TTC7B: variants seen among roughly 807,000 people sequenced by gnomAD.
The protein encoded by TTC7B is tetratricopeptide repeat domain 7B.
In TTC7B, 28 loss-of-function variants were observed where a neutral mutation model predicts 106.8. The ratio of observed to expected loss-of-function variants is 0.26; its 90% CI spans 0.19 to 0.36. The LOEUF (loss-of-function observed/expected upper bound fraction) is 0.36, where lower values mean the gene tolerates loss of function less well. Ranked by LOEUF, TTC7B falls within the 10% of genes least tolerant of loss-of-function variation. TTC7B has a pLI of 1.00. For synonymous variants in TTC7B, 405 were observed against 430.6 expected, an observed-to-expected ratio of 0.94 and a Z score of 0.74; for missense variants, 862 against 1,076.4, an observed-to-expected ratio of 0.80 and a Z score of 2.79.
intron 15 of TTC7B, among the ~76,000 whole-genome samples, chr14:90,632,275 C>T (rs1317081236): frequency 6.6e-6 from 1 of 152,198 alleles, no homozygotes; most frequent in Non-Finnish European, 1.5e-5. Context: ...TCACTCAGCT[C>T]AGGCAAAAAA....
intron 19 of TTC7B, among the ~76,000 whole-genome samples, chr14:90,546,764 G>A (rs373017826): frequency 5.9e-5 from 9 of 152,178 alleles, no homozygotes; most frequent in African/African-American, 1.2e-4. Context: ...AAAACCCACC[G>A]AGTGATTGCT....
intron 17 of TTC7B, chr14:90,603,195 G>C (rs186758166): frequency 5.8e-4 from 638 of 1,109,328 alleles, no homozygotes; most frequent in African/African-American, 5.1e-3. Flanking sequence ...ATTCCGTGGT[G>C]GGGGGAGTGT....
intron 19 of TTC7B, among the ~76,000 whole-genome samples, chr14:90,572,469 A>G (rs941561724): frequency 3.3e-5 from 5 of 152,238 alleles, no homozygotes; most frequent in Admixed American, 6.5e-5. Context: ...AAGAAAATGC[A>G]TTTTTCAAAC....
intron 16 of TTC7B, among the ~76,000 whole-genome samples, chr14:90,615,796 G>A (rs1030443027): frequency 1.3e-5 from 2 of 152,212 alleles, no homozygotes; most frequent in African/African-American, 4.8e-5. Flanking sequence ...CAGACAGGAT[G>A]CTCCTTAATA....
At chr14:90,566,625 G>A (rs921539832) in intron 19 of TTC7B, among the ~76,000 whole-genome samples, 5 of 152,172 alleles carry the variant, frequency 3.3e-5, no homozygotes, top group Admixed American at 6.5e-5. Flanking sequence ...ATGAGAAAAC[G>A]GAGGAAGCCA....
chr14:90,796,666 A>C (rs1388626925), intron 1 of TTC7B, among the ~76,000 whole-genome samples: 1 of 152,194 alleles, frequency 6.6e-6, no homozygotes, highest in Non-Finnish European at 1.5e-5. Context: ...ACTTGACACC[A>C]ACACAAAAAA....
chr14:90,729,395 C>T (rs1327563852), intron 5 of TTC7B, among the ~76,000 whole-genome samples: 2 of 152,184 alleles, frequency 1.3e-5, no homozygotes, highest in Non-Finnish European at 2.9e-5. Flanking sequence ...GCCTCCCATG[C>T]AAAGCCTACG....
At chr14:90,793,539 AG>A (rs1476058295) in intron 1 of TTC7B, among the ~76,000 whole-genome samples, 4 of 150,360 alleles carry the variant, frequency 2.7e-5, no homozygotes, top group Non-Finnish European at 4.4e-5. Flanking sequence ...AAAAAAAAAA[AG>A]AATCTCTTTC....
Position 90,533,114 on chromosome 14 carries a change from C to G in TTC7B, c.*8254G>C, listed in dbSNP as rs896185080. The G allele has an allele frequency of 1.3e-5, 2 of 152,448 alleles. No individual in the cohort carries two copies. The highest frequency in any genetic ancestry group is 4.8e-5 in the African/African-American group (2 of 41,444). The allele number at this position is 152,448 out of a possible 1,614,324, so 9.4% of individuals were successfully genotyped here. Reference sequence around the variant, plus strand: ...CTCCTAGGAGAGTAGGTGGCCAGGTCCCGATGCAGGCTCCAGCCCAGCAGG... The same window carrying G: ...CTCCTAGGAGAGTAGGTGGCCAGGTGCCGATGCAGGCTCCAGCCCAGCAGG... On this transcript the variant is annotated 3_prime_UTR_variant, in exon 20 of 20. Coordinates refer to ENST00000328459, the MANE Select transcript of TTC7B (RefSeq NM_001010854.2).
At chr14:90,747,467 T>C (rs1235961152) in intron 3 of TTC7B, among the ~76,000 whole-genome samples, 1 of 152,246 alleles carries the variant, frequency 6.6e-6, no homozygotes, top group African/African-American at 2.4e-5. Context: ...CAATGCCTGA[T>C]GGTAGTCTTC....
chr14:90,553,756 A>C (rs925286394), intron 19 of TTC7B, among the ~76,000 whole-genome samples: 12 of 152,008 alleles, frequency 7.9e-5, no homozygotes, highest in Non-Finnish European at 1.6e-4. Context: ...CACTCTCCCC[A>C]CCTCCCTGAA....
At chr14:90,602,052 C>A (rs1892444910) in intron 17 of TTC7B, 1 of 452,448 alleles carries the variant, frequency 2.2e-6, no homozygotes, top group Admixed American at 2.4e-5. Context: ...AAAGGCACAT[C>A]TAGGTTGAGC....
At chr14:90,694,194 T>G (rs1171308252) in intron 6 of TTC7B, among the ~76,000 whole-genome samples, 3 of 152,060 alleles carry the variant, frequency 2.0e-5, no homozygotes, top group African/African-American at 7.2e-5. Flanking sequence ...GCCAAGATTG[T>G]GCGATTGCAC....
intron 9 of TTC7B, among the ~76,000 whole-genome samples, chr14:90,658,987 G>C (rs141203663): frequency 1.0e-3 from 154 of 152,314 alleles, no homozygotes; most frequent in Admixed American, 1.4e-3. Context: ...TGGGGTGAGT[G>C]GGGTGAGGTG....
chr14:90,632,640 G>C (rs755036739), intron 15 of TTC7B, among the ~76,000 whole-genome samples: 1 of 152,204 alleles, frequency 6.6e-6, no homozygotes, highest in Non-Finnish European at 1.5e-5. Flanking sequence ...CCCCTGGCAT[G>C]TGGTAGAAAC....
intron 5 of TTC7B, among the ~76,000 whole-genome samples, chr14:90,700,955 G>C (rs1887958244): frequency 1.3e-5 from 2 of 151,866 alleles, no homozygotes; most frequent in Admixed American, 1.3e-4. Context: ...CTGTCAGGGA[G>C]CTGTTTTTCC....
chr14:90,546,234 C>T (rs1029196633), intron 19 of TTC7B, among the ~76,000 whole-genome samples: 6 of 152,254 alleles, frequency 3.9e-5, no homozygotes, highest in African/African-American at 1.4e-4. Flanking sequence ...AGGAGTGACA[C>T]ACCACCCAAG....
intron 4 of TTC7B, among the ~76,000 whole-genome samples, chr14:90,738,207 G>T (rs1260898059): frequency 2.0e-5 from 3 of 152,086 alleles, no homozygotes; most frequent in East Asian, 1.9e-4. Flanking sequence ...AACTAAACTT[G>T]CAAGGTACCA....
intron 5 of TTC7B, among the ~76,000 whole-genome samples, chr14:90,700,971 T>A (rs1887959240): frequency 6.6e-6 from 1 of 151,900 alleles, no homozygotes; most frequent in Non-Finnish European, 1.5e-5. Context: ...TTTCCCAGAA[T>A]GGAGTCCAGC....
Sources: allele counts gnomAD v4.1 joint callset (sites outside exome capture counted in the v4.1 genomes callset), GRCh38; gene constraint gnomAD v4.1.1; transcripts MANE v1.5; gene names NCBI Gene and HGNC (gene_info 2026-07-23, HGNC 2026-07-21).